DNAJC9: variants seen among roughly 807,000 people sequenced by gnomAD.
DNAJC9 encodes dnaJ homolog subfamily C member 9.
DNAJC9 carries 18 observed loss-of-function variants against 32.4 expected under a neutral mutation model. The observed-to-expected ratio is 0.56, with a 90% CI of 0.38 to 0.82. The LOEUF (loss-of-function observed/expected upper bound fraction) is 0.82, where lower values mean the gene tolerates loss of function less well. Ranked by LOEUF, DNAJC9 falls within the 40% of genes least tolerant of loss-of-function variation. DNAJC9 has a pLI of 0.00. For synonymous variants in DNAJC9, 113 were observed against 122.1 expected (o/e 0.93, Z 0.49); for missense variants, 310 against 321.8 (o/e 0.96, Z 0.28).
At chr10:73,245,602 C>T (rs1217266508) in intron 3 of DNAJC9, among the ~76,000 whole-genome samples, 1 of 152,180 alleles carries the variant, frequency 6.6e-6, no homozygotes, top group East Asian at 1.9e-4. Context: ...ATCCTGTGTA[C>T]CCGGGTTCCA....
downstream of DNAJC9, chr10:73,235,340 A>G (rs146810397): frequency 5.0e-3 from 7,788 of 1,551,132 alleles, 30 homozygotes; most frequent in Middle Eastern, 9.1e-3. Context: ...TACTTCCTAG[A>G]ATGGTCTTGA....
At chr10:73,240,533 A>C (rs1229961202), downstream of DNAJC9, among the ~76,000 whole-genome samples, 1 of 152,148 alleles carries the variant, frequency 6.6e-6, no homozygotes, top group Non-Finnish European at 1.5e-5. Flanking sequence ...TAACATGGTG[A>C]AACCCCATCT....
chr10:73,246,908 C>G, intron 1 of DNAJC9, 80 bp from the exon 2 acceptor site: 1 of 1,600,424 alleles, frequency 6.2e-7, no homozygotes, highest in Non-Finnish European at 8.5e-7. Context: ...TCAGAAGGCG[C>G]CAAGCGGAGC....
chr10:73,234,583 G>A (rs2043780285), downstream of DNAJC9: 1 of 477,510 alleles, frequency 2.1e-6, no homozygotes, highest in Non-Finnish European at 3.8e-6. Context: ...GGAGAGAAAA[G>A]GCCAGCTTCT....
At chr10:73,238,763 G>A (rs376774736), downstream of DNAJC9, 1 of 152,226 alleles carries the variant, frequency 6.6e-6, no homozygotes, top group Non-Finnish European at 1.5e-5. Flanking sequence ...AGAAGCCCCA[G>A]CAGGATGTCA....
chr10:73,235,148 TAC>T, downstream of DNAJC9: 1 of 1,546,062 alleles, frequency 6.5e-7, no homozygotes, highest in South Asian at 1.2e-5. Context: ...CATACCACAT[TAC>T]AGATAGTTTT....
downstream of DNAJC9, among the ~76,000 whole-genome samples, chr10:73,240,471 C>T (rs189210260): frequency 3.9e-5 from 6 of 152,070 alleles, no homozygotes; most frequent in Non-Finnish European, 7.4e-5. Flanking sequence ...CCAGCACTTT[C>T]GGAGGCCAAG....
chr10:73,239,171 G>A, downstream of DNAJC9: 1 of 615,802 alleles, frequency 1.6e-6, no homozygotes, highest in Non-Finnish European at 2.9e-6. Flanking sequence ...TCAACCCAGT[G>A]CACTCAGCTG....
In DNAJC9 at chr10:73,242,870, AC is replaced by A. The variant is rs1189759620; in HGVS notation, c.*529del. 2 of 152,848 alleles carry A rather than the reference AC, an allele frequency of 1.3e-5. No homozygotes were observed. Among genetic ancestry groups the A allele is most frequent in the African/African-American group, 4.8e-5 (2 of 41,460 alleles). 9.5% of individuals were successfully genotyped at this position (152,848 alleles called of 1,614,324 possible). A position where few individuals can be genotyped will look rare whatever the true frequency, so the allele number is the denominator to read the frequency against. ...TTTTATTGAATTATATACACCTCTT[AC>A]AAAAATGCTTGAAGTAATTTAACAC... On this transcript the variant is annotated 3_prime_UTR_variant, in exon 5 of 5. Transcript: ENST00000372950.
chr10:73,235,312 A>G, downstream of DNAJC9: 2 of 1,552,080 alleles, frequency 1.3e-6, no homozygotes, highest in East Asian at 2.4e-5. Flanking sequence ...CAACTCAATC[A>G]TTTTTGGTAG....
chr10:73,241,165 C>T, downstream of DNAJC9: 1 of 636,564 alleles, frequency 1.6e-6, no homozygotes, highest in East Asian at 3.0e-5. Flanking sequence ...GACCGAAGAA[C>T]AAAACACCAT....
chr10:73,240,508 T>A (rs559130332), downstream of DNAJC9, among the ~76,000 whole-genome samples: 9 of 152,188 alleles, frequency 5.9e-5, no homozygotes, highest in East Asian at 1.5e-3. Flanking sequence ...GTCAGCATAT[T>A]GAGACCATCC....
At chr10:73,239,328 G>C (rs774376072), downstream of DNAJC9, 1 of 1,551,618 alleles carries the variant, frequency 6.4e-7, no homozygotes, top group East Asian at 2.4e-5. Context: ...ACACAGTATC[G>C]TCGCTCATGT....
chr10:73,245,800 A>G, intron 3 of DNAJC9, 122 bp downstream of exon 3: 29 of 1,255,066 alleles, frequency 2.3e-5, no homozygotes, highest in Non-Finnish European at 3.2e-5. Flanking sequence ...GATCGAAACT[A>G]TAGACCAAGT....
At position 73,242,457 on chromosome 10, in the gene DNAJC9, C is replaced by T. The variant is rs992653544; in HGVS notation, c.*943G>A. The T allele has an allele frequency of 3.3e-5, 5 of 152,166 alleles. No homozygotes were observed. The highest frequency in any genetic ancestry group is 2.4e-5 in the African/African-American group (1 of 41,434). The allele number at this position is 152,166 out of a possible 1,614,324, so 9.4% of individuals were successfully genotyped here. On this transcript the variant is annotated 3_prime_UTR_variant, in exon 5 of 5. Coordinates refer to ENST00000372950, the MANE Select transcript of DNAJC9 (RefSeq NM_015190.5). Reference sequence around the variant, plus strand: ...CTGTAAGAAGTCATTTAGCCCAATTCCCTCACCCTGTGTGTTTTCCCTCAA... The same window carrying T: ...CTGTAAGAAGTCATTTAGCCCAATTTCCTCACCCTGTGTGTTTTCCCTCAA...
chr10:73,246,898 T>C, intron 1 of DNAJC9, 70 bp from the exon 2 acceptor site: 1 of 1,606,420 alleles, frequency 6.2e-7, no homozygotes, highest in Non-Finnish European at 8.5e-7. Context: ...GAAATAAAGA[T>C]CAGAAGGCGC....
At chr10:73,240,963 T>A, downstream of DNAJC9, 1 of 1,542,350 alleles carries the variant, frequency 6.5e-7, no homozygotes, top group East Asian at 2.5e-5. Flanking sequence ...GTTACATGGG[T>A]CTACAAAATC....
chr10:73,235,280 G>A (rs749889560), downstream of DNAJC9: 93 of 1,551,924 alleles, frequency 6.0e-5, no homozygotes, highest in Admixed American at 4.3e-4. Context: ...CCTTTTGCCC[G>A]ACTTTTTCCC....
At chr10:73,235,297 C>T, downstream of DNAJC9, 1 of 1,552,044 alleles carries the variant, frequency 6.4e-7, no homozygotes, top group Non-Finnish European at 8.7e-7. Context: ...TCCCCAGGCC[C>T]AACACAACTC....
Sources: gnomAD v4.1 joint callset for allele counts (sites outside exome capture counted in the v4.1 genomes callset) on GRCh38, gnomAD v4.1.1 for gene constraint, MANE v1.5 for transcripts, NCBI Gene and HGNC (gene_info 2026-07-23, HGNC 2026-07-21) for gene names.